LIPI: variants seen among roughly 807,000 people sequenced by gnomAD.
LIPI encodes lipase I, also known as lipase member I.
LIPI carries 59 observed loss-of-function variants against 50.6 expected under a neutral mutation model. The observed-to-expected ratio is 1.16, with a 90% CI of 0.94 to 1.45. LIPI has a LOEUF of 1.45. LIPI is among the 40% of genes most tolerant of loss of function. LIPI has a pLI of 0.00. For synonymous variants in LIPI, 203 were observed against 178.2 expected (o/e 1.14, Z -1.11); for missense variants, 586 against 536.3 (o/e 1.09, Z -0.92).
intron 9 of LIPI, among the ~76,000 whole-genome samples, chr21:14,131,019 C>T (rs2017272510): frequency 6.6e-6 from 1 of 152,188 alleles, no homozygotes; most frequent in Non-Finnish European, 1.5e-5. Context: ...GGCACGATCT[C>T]AGCTCACTGC....
intron 1 of LIPI, 88 bp from the exon 2 acceptor site, chr21:14,189,507 G>A (rs2019591337): frequency 1.7e-6 from 2 of 1,201,136 alleles, no homozygotes. Context: ...AAATGTGGAG[G>A]GTAGGGAGGA....
Position 14,189,260 on chromosome 21 carries a change from T to C in LIPI, c.206A>G (p.Asn69Ser), listed in dbSNP as rs1568878080. The change falls in exon 2 of 10, where the codon AAT (asparagine) becomes AGT (serine). Residue 69 changes from asparagine to serine, a missense_variant. Asn to Ser is a conservative substitution (Grantham distance 46). Transcript: ENST00000681601. The part of the protein sequence containing the change: ...LFEQNNSLNV[N>S]FNTQKKTVWL... ...GACTGTTTTCTTTTGTGTGTTGAAATTAACATTAAGTGAGTTATTTTGTTC... is the reference window on the plus strand; with the variant it reads ...GACTGTTTTCTTTTGTGTGTTGAAACTAACATTAAGTGAGTTATTTTGTTC... The C allele has an allele frequency of 6.2e-7, 1 of 1,614,026 alleles. No homozygotes were observed.
chr21:14,128,699 T>C (rs377446304), intron 9 of LIPI, among the ~76,000 whole-genome samples: 2 of 152,188 alleles, frequency 1.3e-5, no homozygotes, highest in East Asian at 3.9e-4. Context: ...AAAGCATGCA[T>C]GTTGGAGAAA....
chr21:14,157,310 A>G (rs1451274026), intron 7 of LIPI, among the ~76,000 whole-genome samples: 1 of 151,936 alleles, frequency 6.6e-6, no homozygotes, highest in Admixed American at 6.6e-5. Context: ...AGCTGGCACA[A>G]CCTTTTCCCT....
chr21:14,116,635 T>C (rs2016652825), intron 9 of LIPI, among the ~76,000 whole-genome samples: 1 of 152,106 alleles, frequency 6.6e-6, no homozygotes, highest in Non-Finnish European at 1.5e-5. Context: ...GAGGGAACCA[T>C]AGATATGGAA....
intron 9 of LIPI, among the ~76,000 whole-genome samples, chr21:14,142,166 G>A (rs2017734320): frequency 6.6e-6 from 1 of 152,018 alleles, no homozygotes; most frequent in Non-Finnish European, 1.5e-5. Context: ...ACAGTCGGGG[G>A]TTGGGGGACT....
chr21:14,187,441 A>G (rs1475712489), intron 2 of LIPI, among the ~76,000 whole-genome samples: 3 of 152,174 alleles, frequency 2.0e-5, no homozygotes, highest in Non-Finnish European at 4.4e-5. Flanking sequence ...AACATAAGGG[A>G]GTATCTCTCG....
intron 9 of LIPI, among the ~76,000 whole-genome samples, chr21:14,132,314 A>G (rs2017326898): frequency 6.6e-6 from 1 of 152,140 alleles, no homozygotes; most frequent in Non-Finnish European, 1.5e-5. Flanking sequence ...TAGCAAATGA[A>G]ATGTATCTAG....
intron 8 of LIPI, among the ~76,000 whole-genome samples, chr21:14,152,243 G>A (rs886666400): frequency 2.0e-5 from 3 of 151,984 alleles, no homozygotes; most frequent in Non-Finnish European, 4.4e-5. Flanking sequence ...TGGGACTACA[G>A]GCACGTGCCA....
At chr21:14,184,215 C>G (rs1022188031) in intron 3 of LIPI, among the ~76,000 whole-genome samples, 7 of 152,068 alleles carry the variant, frequency 4.6e-5, no homozygotes, top group African/African-American at 1.7e-4. Flanking sequence ...TCTCAGCAAA[C>G]TATCGCAAGG....
chr21:14,179,366 T>C (rs1445081574), intron 4 of LIPI, among the ~76,000 whole-genome samples: 1 of 152,094 alleles, frequency 6.6e-6, no homozygotes, highest in Non-Finnish European at 1.5e-5. Flanking sequence ...AAAATCTGTG[T>C]TTCTTATTTG....
chr21:14,165,072 C>A, intron 6 of LIPI, 151 bp downstream of exon 6: 1 of 620,960 alleles, frequency 1.6e-6, no homozygotes. Flanking sequence ...AATATTTACT[C>A]TGTACCACAT....
intron 9 of LIPI, among the ~76,000 whole-genome samples, chr21:14,119,148 C>T (rs2016769087): frequency 6.6e-6 from 1 of 152,176 alleles, no homozygotes; most frequent in Non-Finnish European, 1.5e-5. Context: ...CTCAGTATAC[C>T]TGGACTAGAC....
intron 4 of LIPI, among the ~76,000 whole-genome samples, chr21:14,167,484 C>G (rs2018732537): frequency 6.6e-6 from 1 of 152,294 alleles, no homozygotes; most frequent in East Asian, 1.9e-4. Flanking sequence ...CAGACAGACA[C>G]CTCACACAGC....
intron 4 of LIPI, among the ~76,000 whole-genome samples, chr21:14,171,027 C>A (rs934497877): frequency 6.6e-6 from 1 of 150,524 alleles, no homozygotes; most frequent in Non-Finnish European, 1.5e-5. Context: ...TCTCAGGATA[C>A]AAAATCAATG....
At chr21:14,134,726 T>C (rs1344638614) in intron 9 of LIPI, among the ~76,000 whole-genome samples, 1 of 151,616 alleles carries the variant, frequency 6.6e-6, no homozygotes, top group Non-Finnish European at 1.5e-5. Context: ...AGTAGGAAAA[T>C]TGAATAGCCA....
At chr21:14,125,557 T>C (rs1244262020) in intron 9 of LIPI, among the ~76,000 whole-genome samples, 2 of 152,148 alleles carry the variant, frequency 1.3e-5, no homozygotes, top group Non-Finnish European at 2.9e-5. Flanking sequence ...TTTTGTTTTG[T>C]TTTGCTTGGC....
At chr21:14,155,048 C>T (rs1052312070) in intron 7 of LIPI, among the ~76,000 whole-genome samples, 3 of 151,766 alleles carry the variant, frequency 2.0e-5, no homozygotes, top group Non-Finnish European at 2.9e-5. Flanking sequence ...TCAAAGTTAA[C>T]ATGTCTCTTG....
chr21:14,128,630 C>T (rs935479870), intron 9 of LIPI, among the ~76,000 whole-genome samples: 1 of 151,906 alleles, frequency 6.6e-6, no homozygotes, highest in African/African-American at 2.4e-5. Flanking sequence ...TTAAAGATGC[C>T]TAAATAGTCA....
Sources: allele counts gnomAD v4.1 joint callset (sites outside exome capture counted in the v4.1 genomes callset), GRCh38; gene constraint gnomAD v4.1.1; transcripts MANE v1.5; gene names NCBI Gene and HGNC (gene_info 2026-07-23, HGNC 2026-07-21).